MARCHF11: variants seen among roughly 807,000 people sequenced by gnomAD.
MARCHF11 encodes the protein E3 ubiquitin-protein ligase MARCHF11.
MARCHF11 carries 29 observed loss-of-function variants against 37.3 expected under a neutral mutation model. That is an observed-to-expected ratio of 0.78 (90% CI 0.58 to 1.06). The LOEUF is 1.06. Among genes scored for constraint, MARCHF11 ranks in the 50% least tolerant of loss-of-function variants. MARCHF11 has a pLI of 0.00. For missense variants in MARCHF11, 482 were observed against 533.4 expected (o/e 0.90, Z 0.95); for synonymous variants, 233 against 228.0 (o/e 1.02, Z -0.20).
chr5:16,110,117 T>A (rs1308282423), intron 2 of MARCHF11, among the ~76,000 whole-genome samples: 1 of 152,234 alleles, frequency 6.6e-6, no homozygotes, highest in African/African-American at 2.4e-5. Flanking sequence ...CACATTTTTG[T>A]CCAGGCCCAT....
At chr5:16,086,991 G>T (rs1233872160) in intron 3 of MARCHF11, among the ~76,000 whole-genome samples, 1 of 152,092 alleles carries the variant, frequency 6.6e-6, no homozygotes, top group Non-Finnish European at 1.5e-5. Context: ...TTTTTAGTGG[G>T]AAGCCAACAT....
At chr5:16,096,320 T>C (rs1736867712) in intron 2 of MARCHF11, among the ~76,000 whole-genome samples, 1 of 152,252 alleles carries the variant, frequency 6.6e-6, no homozygotes, top group Admixed American at 6.5e-5. Context: ...AGTTTGTTAA[T>C]TTTAACACGA....
chr5:16,143,730 T>C (rs1440510617), intron 2 of MARCHF11, among the ~76,000 whole-genome samples: 1 of 152,232 alleles, frequency 6.6e-6, no homozygotes, highest in Non-Finnish European at 1.5e-5. Flanking sequence ...AAAAGGCAGA[T>C]ATTTGAGAAA....
chr5:16,178,122 A>G (rs146942401), intron 1 of MARCHF11, among the ~76,000 whole-genome samples: 2 of 152,232 alleles, frequency 1.3e-5, no homozygotes, highest in African/African-American at 4.8e-5. Flanking sequence ...TGTCTGCAAG[A>G]TATAGCTCCC....
Position 16,102,306 on chromosome 5 carries a change from G to A in MARCHF11, c.694-11225C>T, listed in dbSNP as rs113665793. 5.5e-3 allele frequency among the ~76,000 whole-genome samples: 835 copies of A among 152,282 alleles called. 8 individuals carry two copies. Among genetic ancestry groups the A allele is most frequent in the African/African-American group, 0.015 (626 of 41,564 alleles). ...TCACACTGTAAGATGACACTGATAC[G>A]TACAGGAGGCAGGGAAATACTGGGT... On this transcript the variant is annotated intron_variant, in intron 2 of 3. Coordinates refer to ENST00000332432, the MANE Select transcript of MARCHF11 (RefSeq NM_001102562.3).
At chr5:16,112,828 T>C (rs1737168873) in intron 2 of MARCHF11, among the ~76,000 whole-genome samples, 1 of 152,154 alleles carries the variant, frequency 6.6e-6, no homozygotes, top group Non-Finnish European at 1.5e-5. Flanking sequence ...GATAACTGAA[T>C]CATGGAGGTG....
intron 3 of MARCHF11, among the ~76,000 whole-genome samples, chr5:16,088,481 G>C (rs1437166699): frequency 6.6e-6 from 1 of 152,184 alleles, no homozygotes; most frequent in Non-Finnish European, 1.5e-5. Context: ...AAATCTTCCA[G>C]TCGGGAGTAT....
chr5:16,123,648 T>C (rs1002828240), intron 2 of MARCHF11, among the ~76,000 whole-genome samples: 40 of 152,186 alleles, frequency 2.6e-4, no homozygotes, highest in Admixed American at 5.9e-4. Flanking sequence ...TGTATTATTA[T>C]TTAAACTGTG....
At chr5:16,126,002 G>A (rs1737400237) in intron 2 of MARCHF11, among the ~76,000 whole-genome samples, 1 of 152,174 alleles carries the variant, frequency 6.6e-6, no homozygotes, top group African/African-American at 2.4e-5. Context: ...CCAGCTTTAA[G>A]AGACTAATTC....
chr5:16,116,326 C>A (rs1338010020), intron 2 of MARCHF11, among the ~76,000 whole-genome samples: 1 of 152,110 alleles, frequency 6.6e-6, no homozygotes, highest in Non-Finnish European at 1.5e-5. Flanking sequence ...TTCTCTCTCC[C>A]CAGGAAATAG....
chr5:16,122,880 TC>T (rs1425777208), intron 2 of MARCHF11, among the ~76,000 whole-genome samples: 3 of 152,112 alleles, frequency 2.0e-5, no homozygotes, highest in African/African-American at 7.2e-5. Flanking sequence ...AAAAGATACC[TC>T]CCCAGGAGCC....
chr5:16,067,443 G>A lies in MARCHF11; in HGVS notation c.*28C>T. The A allele has an allele frequency of 6.3e-7, 1 of 1,598,208 alleles. No homozygotes were observed. The highest frequency in any genetic ancestry group is 8.6e-7 in the Non-Finnish European group (1 of 1,167,758). ...ATTACATTGCAAAATGTGCAGGGTG[G>A]TCCACACTGCATCATCTTATGCTTT... On this transcript the variant is annotated 3_prime_UTR_variant, in exon 4 of 4. Coordinates refer to ENST00000332432, the MANE Select transcript of MARCHF11 (RefSeq NM_001102562.3).
chr5:16,172,023 G>T (rs1738275500), intron 2 of MARCHF11, among the ~76,000 whole-genome samples: 1 of 152,198 alleles, frequency 6.6e-6, no homozygotes, highest in Non-Finnish European at 1.5e-5. Flanking sequence ...TAGGGTACAT[G>T]TTGTCCCCAA....
At chr5:16,106,744 C>T (rs1048665095) in intron 2 of MARCHF11, among the ~76,000 whole-genome samples, 6 of 152,254 alleles carry the variant, frequency 3.9e-5, no homozygotes, top group Middle Eastern at 3.4e-3. Context: ...CGGGTAGAGG[C>T]TAGGGATGCT....
chr5:16,165,547 G>A (rs962054397), intron 2 of MARCHF11, among the ~76,000 whole-genome samples: 1 of 151,972 alleles, frequency 6.6e-6, no homozygotes, highest in African/African-American at 2.4e-5. Flanking sequence ...GACTTACCCT[G>A]TTTATTCTTC....
At chr5:16,102,340 G>A (rs937689183) in intron 2 of MARCHF11, among the ~76,000 whole-genome samples, 2 of 152,174 alleles carry the variant, frequency 1.3e-5, no homozygotes, top group Non-Finnish European at 2.9e-5. Context: ...GTAGAAGAGG[G>A]TGGGGTCCCT....
At chr5:16,079,645 G>A (rs189926461) in intron 3 of MARCHF11, among the ~76,000 whole-genome samples, 6 of 152,222 alleles carry the variant, frequency 3.9e-5, no homozygotes, top group Non-Finnish European at 8.8e-5. Context: ...ATTCTGCAGG[G>A]GGCTCAGCCT....
intron 2 of MARCHF11, among the ~76,000 whole-genome samples, chr5:16,109,707 G>A (rs894889054): frequency 6.6e-6 from 1 of 152,214 alleles, no homozygotes; most frequent in Admixed American, 6.5e-5. Flanking sequence ...AGAAGCTGAG[G>A]TGACAACCTG....
At chr5:16,089,157 G>C (rs2126555542) in intron 3 of MARCHF11, among the ~76,000 whole-genome samples, 1 of 151,642 alleles carries the variant, frequency 6.6e-6, no homozygotes, top group African/African-American at 2.4e-5. Flanking sequence ...TGTTTATACT[G>C]AGGGCAAGAA....
Sources: allele counts gnomAD v4.1 joint callset (sites outside exome capture counted in the v4.1 genomes callset), GRCh38; gene constraint gnomAD v4.1.1; transcripts MANE v1.5; gene names NCBI Gene and HGNC (gene_info 2026-07-23, HGNC 2026-07-21).